MYSM1: variants seen among roughly 807,000 people sequenced by gnomAD.
MYSM1 encodes the protein Myb like, SWIRM and MPN domains 1, also known as deubiquitinase MYSM1.
Under a neutral mutation model 116.0 loss-of-function variants are expected in MYSM1, and 51 were observed. That is an observed-to-expected ratio of 0.44 (90% CI 0.35 to 0.56). The LOEUF is 0.56. Ranked by LOEUF, MYSM1 falls within the 20% of genes least tolerant of loss-of-function variation. The pLI is 0.00. For synonymous variants in MYSM1, 313 were observed against 315.2 expected (o/e 0.99, Z 0.07); for missense variants, 900 against 974.9 (o/e 0.92, Z 1.02).
chr1:58,686,656 T>C (rs1644831590), intron 6 of MYSM1, among the ~76,000 whole-genome samples: 1 of 152,208 alleles, frequency 6.6e-6, no homozygotes, highest in East Asian at 1.9e-4. Flanking sequence ...AGATTGCTCT[T>C]AACACCTAGC....
intron 1 of MYSM1, 190 bp downstream of exon 1, chr1:58,699,795 G>A (rs1357873320): frequency 3.0e-6 from 3 of 985,344 alleles, no homozygotes; most frequent in Non-Finnish European, 3.6e-6. Context: ...CTGAGCTCCA[G>A]GTAACCGCCC....
intron 1 of MYSM1, 112 bp downstream of exon 1, chr1:58,699,873 G>C: frequency 6.6e-7 from 1 of 1,521,276 alleles, no homozygotes; most frequent in Non-Finnish European, 8.8e-7. Flanking sequence ...CCCTGGCCCA[G>C]GGGACAGTCT....
intron 17 of MYSM1, among the ~76,000 whole-genome samples, chr1:58,664,709 T>C (rs942073997): frequency 6.6e-6 from 1 of 152,214 alleles, no homozygotes; most frequent in East Asian, 1.9e-4. Flanking sequence ...GGCCTCATGC[T>C]AGAAACAGGA....
At position 58,682,139 on chromosome 1, in the gene MYSM1, C is replaced by T. The variant is rs764356567; in HGVS notation, c.905G>A (p.Ser302Asn). Reference protein sequence around the residue: ...SEITLWTEKQSNGDKKSIELN... With the variant: ...SEITLWTEKQNNGDKKSIELN... ...TTCAATTGATTTTTTGTCACCATTGCTCTGTTTCTCAGTCCACAGTGTAAT... is the reference window on the plus strand; with the variant it reads ...TTCAATTGATTTTTTGTCACCATTGTTCTGTTTCTCAGTCCACAGTGTAAT... Residue 302 changes from serine (S) to asparagine (N), a missense_variant, in exon 8 of 20, where the codon AGC becomes AAC. By Grantham distance (46) the Ser-to-Asn change is conservative (BLOSUM62 1). Transcript: ENST00000472487. 6 of 1,613,524 alleles carry T rather than the reference C, an allele frequency of 3.7e-6. No individual in the cohort carries two copies. The highest frequency in any genetic ancestry group is 1.7e-5 in the Admixed American group (1 of 59,946).
chr1:58,695,655 T>TAA (rs1644963415), intron 1 of MYSM1, among the ~76,000 whole-genome samples: 1 of 112,410 alleles, frequency 8.9e-6, no homozygotes. Context: ...ACCTATAAAA[T>TAA]GAAAGAAAAA....
Position 58,690,254 on chromosome 1 carries a change from A to G in MYSM1, c.297-5T>C. The G allele has an allele frequency of 6.3e-7, 1 of 1,576,392 alleles. No homozygotes were observed. The highest frequency in any genetic ancestry group is 8.6e-7 in the Non-Finnish European group (1 of 1,164,424). ...ATTTTTGCTGTTTTCTGCAGACTGC[A>G]TCACATGAAAAAAGAAAATAAGGAA... On this transcript the variant is annotated splice_polypyrimidine_tract_variant and splice_region_variant and intron_variant, in intron 4 of 19. Coordinates refer to ENST00000472487, the MANE Select transcript of MYSM1 (RefSeq NM_001085487.3).
intron 2 of MYSM1, among the ~76,000 whole-genome samples, chr1:58,693,641 A>T (rs958090479): frequency 2.6e-4 from 39 of 152,102 alleles, no homozygotes; most frequent in African/African-American, 9.2e-4. Flanking sequence ...CCAAAATATA[A>T]TTCAAATCTA....
chr1:58,682,534 A>G lies in MYSM1; in HGVS notation c.510T>C (p.Gly170=). 6.4e-7 allele frequency: 1 copy of G among 1,567,256 alleles called. No homozygotes were observed. Among genetic ancestry groups the G allele is most frequent in the Non-Finnish European group, 8.6e-7 (1 of 1,161,168 alleles). Residue 170 remains glycine (G), a synonymous_variant, in exon 8 of 20, where the codon GGT becomes GGC. Coordinates refer to ENST00000472487, the MANE Select transcript of MYSM1 (RefSeq NM_001085487.3). ...TCTGATTTGGTGTTTCTTTATCCAG[A>G]CCGCATTTGACCTTATTAAAAATCA... ...RQYFKNKVKC[G]LDKETPNQKT...
rs184352395 is a variant in MYSM1 at position 58,697,832 on chromosome 1, G to A, written c.68+2153C>T. ...TCGAACTCCCAACCTCAGGTGATCC[G>A]CCCGCCTTGGCCTCCCAAAGTGCTG... On this transcript the variant is annotated intron_variant, in intron 1 of 19. Coordinates refer to ENST00000472487, the MANE Select transcript of MYSM1 (RefSeq NM_001085487.3). 6.7e-3 allele frequency among the ~76,000 whole-genome samples: 1,011 copies of A among 151,210 alleles called. 6 individuals are homozygous for A. The highest frequency in any genetic ancestry group is 0.02 in the East Asian group (100 of 5,096).
At chr1:58,676,013 T>C (rs1221757282) in intron 9 of MYSM1, among the ~76,000 whole-genome samples, 1 of 152,208 alleles carries the variant, frequency 6.6e-6, no homozygotes, top group East Asian at 1.9e-4. Context: ...TCTTGTTAGT[T>C]GTCTCCCTTT....
rs1645039420 is a variant in MYSM1, at chr1:58,700,001, C to G, written c.52G>C (p.Ala18Pro). The G allele has an allele frequency of 6.2e-7, 1 of 1,613,532 alleles. No individual in the cohort carries two copies. Among genetic ancestry groups the G allele is most frequent in the Admixed American group, 1.7e-5 (1 of 60,016 alleles). ...VDIEGDVVAA[A>P]GAQPGSGENT... ...AAGCCTCACCCTGGCTGTGCCCCCG[C>G]CGCCGCTACCACGTCCCCTTCGATA... The change falls in exon 1 of 20, where the codon GCG becomes CCG. Residue 18 changes from alanine (A) to proline (P), a missense_variant. Transcript: ENST00000472487.
intron 19 of MYSM1, 128 bp downstream of exon 19, chr1:58,661,042 G>A: frequency 1.4e-6 from 1 of 698,316 alleles, no homozygotes; most frequent in South Asian, 2.0e-5. Flanking sequence ...ATTTTCCAAA[G>A]GAAAAAGTAA....
In MYSM1 at chr1:58,699,326, G is replaced by A. The variant is rs1307657775; in HGVS notation, c.68+659C>T. Among the ~76,000 whole-genome samples the A allele has an allele frequency of 6.6e-5, 10 of 152,184 alleles. No individual in the cohort carries two copies. In the East Asian group the frequency reaches 1.7e-3, roughly 26 times the overall value. On this transcript the variant is annotated intron_variant, in intron 1 of 19. Transcript: ENST00000472487. ...CAGAGGGCACCTACCGTATGCTAAA[G>A]CATATCTCATAATCATTTCATTTGA... is the stretch of plus-strand genomic sequence containing the variant.
At chr1:58,661,967 A>AT (rs1274605907) in intron 17 of MYSM1, among the ~76,000 whole-genome samples, 1 of 140,032 alleles carries the variant, frequency 7.1e-6, no homozygotes, top group African/African-American at 2.5e-5. Context: ...GCTGTAAGTT[A>AT]TTGTTTTTTT....
In MYSM1 at chr1:58,681,978, G is replaced by C. The variant is rs753579413; in HGVS notation, c.1066C>G (p.Leu356Val). ...IQKNLNDNEM[L>V]FHSCQMVEES... Reference sequence around the variant, plus strand: ...TCTACCATTTGGCAAGAATGAAAAAGCATTTCATTATCATTCAAATTTTTC... The same window carrying C: ...TCTACCATTTGGCAAGAATGAAAAACCATTTCATTATCATTCAAATTTTTC... Residue 356 changes from leucine to valine, a missense_variant, in exon 8 of 20, where the codon CTT becomes GTT. Around this residue, in one of 3 missense-constraint regions of MYSM1, gnomAD observed 622 missense variants for 623.7 expected, o/e 1.00. Transcript: ENST00000472487. 5.0e-6 allele frequency: 8 copies of C among 1,613,994 alleles called. No homozygotes were observed. The East Asian group carries it at 1.8e-4, about 36-fold the overall frequency.
rs776591370 is a variant in MYSM1 at position 58,671,907 on chromosome 1, G to C, written c.1624C>G (p.Pro542Ala). Residue 542 changes from proline to alanine, a missense_variant, in exon 12 of 20, where the codon CCT (proline) becomes GCT (alanine). By Grantham distance (27) the Pro-to-Ala change is conservative. Around this residue, in one of 3 missense-constraint regions of MYSM1, gnomAD observed 92 missense variants for 155.0 expected, o/e 0.59. Transcript: ENST00000472487. ...AKRREEEKGR[P>A]VKSLKVPRPT... ...CTTGGCACTTTTAAAGATTTAACAG[G>C]TCTGCCTTTTTCCTCTTCTCTTCTT... The C allele has an allele frequency of 3.1e-6, 5 of 1,613,144 alleles. No homozygotes were observed. In the East Asian group the frequency reaches 1.1e-4, roughly 36 times the overall value.
chr1:58,690,986 C>T (rs548082748), intron 3 of MYSM1, among the ~76,000 whole-genome samples: 2 of 152,222 alleles, frequency 1.3e-5, no homozygotes, highest in South Asian at 2.1e-4. Flanking sequence ...GTTATTAGAA[C>T]TAGCCTGATG....
At chr1:58,674,508 A>G in intron 10 of MYSM1, among the ~76,000 whole-genome samples, 1 of 152,238 alleles carries the variant, frequency 6.6e-6, no homozygotes. Flanking sequence ...AATGGTTTAT[A>G]GCCTAAATAC....
At position 58,676,326 on chromosome 1, in the gene MYSM1, G is replaced by GAT. The variant is rs1456409062; in HGVS notation, c.1390+599_1390+600insAT. Among the ~76,000 whole-genome samples, 5 of 147,750 alleles carry GAT rather than the reference G, an allele frequency of 3.4e-5. No individual in the cohort carries two copies. In the East Asian group the frequency reaches 1.0e-3, roughly 29 times the overall value. On this transcript the variant is annotated intron_variant, in intron 9 of 19. Coordinates refer to ENST00000472487, the MANE Select transcript of MYSM1 (RefSeq NM_001085487.3). ...AGCTACTCTGGAGACCGAAGCAAAAGAATCGCTTGAACCCGGGAGGCGGAA... is the reference window on the plus strand; with the variant it reads ...AGCTACTCTGGAGACCGAAGCAAAAGATAATCGCTTGAACCCGGGAGGCGGAA...
Sources: gnomAD v4.1 joint callset for allele counts (sites outside exome capture counted in the v4.1 genomes callset) on GRCh38, gnomAD v4.1.1 for gene constraint, gnomAD v4.1.1 regional missense constraint, MANE v1.5 for transcripts, NCBI Gene and HGNC (gene_info 2026-07-23, HGNC 2026-07-21) for gene names.